SOX5: variants seen among roughly 807,000 people sequenced by gnomAD.
SOX5 encodes the protein SRY-box transcription factor 5.
In SOX5, 9 loss-of-function variants were observed where a neutral mutation model predicts 92.0. The ratio of observed to expected loss-of-function variants is 0.10; its 90% confidence interval spans 0.06 to 0.17. The LOEUF (loss-of-function observed/expected upper bound fraction) is 0.17, where lower values mean the gene tolerates loss of function less well. Among genes scored for constraint, SOX5 ranks in the 10% least tolerant of loss-of-function variants. The pLI is 1.00. For synonymous variants in SOX5, 344 were observed against 336.3 expected (o/e 1.02, Z -0.25); for missense variants, 642 against 944.5 (o/e 0.68, Z 4.20).
At chr12:23,927,499 T>C (rs2139071249) in intron 1 of SOX5, among the ~76,000 whole-genome samples, 1 of 152,170 alleles carries the variant, frequency 6.6e-6, no homozygotes, top group Admixed American at 6.6e-5. Context: ...GGATCTAAGA[T>C]CTGAGACAAT....
intron 3 of SOX5, among the ~76,000 whole-genome samples, chr12:23,833,635 G>T (rs563985271): frequency 9.2e-5 from 14 of 152,006 alleles, no homozygotes; most frequent in African/African-American, 3.1e-4. Flanking sequence ...CTTCATGTGT[G>T]TATTTCAATT....
intron 2 of SOX5, among the ~76,000 whole-genome samples, chr12:24,350,166 A>C (rs2141156367): frequency 6.6e-6 from 1 of 152,340 alleles, no homozygotes; most frequent in Non-Finnish European, 1.5e-5. Context: ...TTGAGCACTG[A>C]CTATTGAAAG....
chr12:24,342,873 T>C (rs972342877), intron 2 of SOX5, among the ~76,000 whole-genome samples: 1 of 152,250 alleles, frequency 6.6e-6, no homozygotes, highest in Non-Finnish European at 1.5e-5. Flanking sequence ...ACCTTTTTTA[T>C]CTGGCTCACA....
chr12:24,361,364 A>G (rs970161464), intron 2 of SOX5, among the ~76,000 whole-genome samples: 1 of 152,062 alleles, frequency 6.6e-6, no homozygotes, highest in African/African-American at 2.4e-5. Flanking sequence ...ATCCCGCCCC[A>G]CCTCTTACTA....
intron 2 of SOX5, among the ~76,000 whole-genome samples, chr12:24,329,647 CATG>C (rs1374683775): frequency 6.6e-6 from 1 of 152,142 alleles, no homozygotes; most frequent in African/African-American, 2.4e-5. Context: ...AATACAAAAG[CATG>C]ATAAATTATT....
At chr12:23,685,642 A>T (rs1480020273) in intron 6 of SOX5, among the ~76,000 whole-genome samples, 1 of 141,980 alleles carries the variant, frequency 7.0e-6, no homozygotes, top group African/African-American at 2.5e-5. Context: ...CCCCCCCAAA[A>T]ATCTAATACA....
rs150030739 is a variant in SOX5 at position 24,095,090 on chromosome 12, AACAC to A, written c.-2+118249_-2+118252del. On this transcript the variant is annotated intron_variant, in intron 4 of 4. Coordinates refer to the SOX5 transcript ENST00000446891. Reference sequence around the variant, plus strand: ...ACTTTCTTATAATTTCTAGCCCCGAAACACACACACACACACACACACACACACA... The same window carrying A: ...ACTTTCTTATAATTTCTAGCCCCGAAACACACACACACACACACACACACA... 2.0e-3 allele frequency among the ~76,000 whole-genome samples: 264 copies of A among 131,538 alleles called. 1 individual carries two copies. Among genetic ancestry groups the A allele is most frequent in the South Asian group, 0.01 (38 of 3,780 alleles). 86.3% of individuals were successfully genotyped at this position (131,538 alleles called of 152,430 possible). A position where few individuals can be genotyped will look rare whatever the true frequency, so the allele number is the denominator to read the frequency against.
chr12:24,493,561 T>C (rs1947307043), intron 1 of SOX5, among the ~76,000 whole-genome samples: 1 of 152,158 alleles, frequency 6.6e-6, no homozygotes, highest in Admixed American at 6.6e-5. Context: ...TGTAAGACTC[T>C]CTGAAATAAA....
At chr12:24,181,390 G>A (rs550913131) in intron 4 of SOX5, among the ~76,000 whole-genome samples, 101 of 152,256 alleles carry the variant, frequency 6.6e-4, no homozygotes, top group African/African-American at 2.4e-3. Context: ...GGATGACCAG[G>A]CTAAAATAAA....
chr12:23,658,689 G>A lies in SOX5; in HGVS notation c.931+6755C>T, dbSNP rs566988014. ...GGTGGATCACTTGAGGTAGGAGTTC[G>A]AAACCAGGCTGGCCAACATGGTGAA... On this transcript the variant is annotated intron_variant, in intron 7 of 14. Transcript: ENST00000451604. 4.6e-5 allele frequency among the ~76,000 whole-genome samples: 7 copies of A among 152,212 alleles called. No individual in the cohort carries two copies. The East Asian group carries it at 5.8e-4, about 13-fold the overall frequency.
At chr12:24,039,796 G>C (rs1956355786) in intron 4 of SOX5, among the ~76,000 whole-genome samples, 1 of 151,910 alleles carries the variant, frequency 6.6e-6, no homozygotes, top group Admixed American at 6.6e-5. Context: ...ATATTAAATG[G>C]AAACACTGAA....
chr12:24,050,843 T>A (rs1957493896), intron 4 of SOX5, among the ~76,000 whole-genome samples: 1 of 152,080 alleles, frequency 6.6e-6, no homozygotes, highest in Non-Finnish European at 1.5e-5. Flanking sequence ...TTCTTCTTCT[T>A]CTTATTATTA....
chr12:24,022,524 T>A (rs1342797906), intron 4 of SOX5, among the ~76,000 whole-genome samples: 2 of 152,128 alleles, frequency 1.3e-5, no homozygotes, highest in African/African-American at 2.4e-5. Context: ...CAATCAGAAT[T>A]GTGTAGCCAT....
intron 1 of SOX5, among the ~76,000 whole-genome samples, chr12:23,946,225 G>A (rs1308835121): frequency 6.6e-6 from 1 of 152,044 alleles, no homozygotes; most frequent in East Asian, 1.9e-4. Context: ...AATCAAATAG[G>A]TGATACTAAC....
intron 4 of SOX5, among the ~76,000 whole-genome samples, chr12:23,987,204 T>C (rs1950137246): frequency 6.6e-6 from 1 of 152,188 alleles, no homozygotes; most frequent in Admixed American, 6.5e-5. Context: ...TGGTGACAAC[T>C]GCTATGCTGA....
rs572762957 is a variant in SOX5 at position 23,802,815 on chromosome 12, A to G, written c.481+43168T>C. Among the ~76,000 whole-genome samples the G allele has an allele frequency of 2.0e-5, 3 of 152,260 alleles. No individual in the cohort carries two copies. In the South Asian group the frequency reaches 6.2e-4, roughly 32 times the overall value. On this transcript the variant is annotated intron_variant, in intron 3 of 14. Coordinates refer to ENST00000451604, the MANE Select transcript of SOX5 (RefSeq NM_006940.6). ...ATTATCTTAACTCTGCAACTCACAT[A>G]ATTTACCATCTTATTGTGTCCCTTT...
At chr12:24,378,377 C>T (rs1053025458) in intron 1 of SOX5, among the ~76,000 whole-genome samples, 1 of 152,190 alleles carries the variant, frequency 6.6e-6, no homozygotes, top group Non-Finnish European at 1.5e-5. Context: ...ATTATTAACT[C>T]GGTTCTGATT....
chr12:23,770,892 G>A (rs2094910413), intron 3 of SOX5, among the ~76,000 whole-genome samples: 2 of 152,216 alleles, frequency 1.3e-5, no homozygotes, highest in South Asian at 4.2e-4. Context: ...CAGAGAAGGT[G>A]GGGTGCTTGT....
intron 3 of SOX5, among the ~76,000 whole-genome samples, chr12:23,760,160 T>C (rs1191057687): frequency 6.6e-6 from 1 of 152,102 alleles, no homozygotes; most frequent in African/African-American, 2.4e-5. Context: ...TAATAATCAT[T>C]ATTTGCATAG....
Sources: gnomAD v4.1 joint callset for allele counts (sites outside exome capture counted in the v4.1 genomes callset) on GRCh38, gnomAD v4.1.1 for gene constraint, MANE v1.5 for transcripts, NCBI Gene and HGNC (gene_info 2026-07-23, HGNC 2026-07-21) for gene names.